Variants in CEACAM18 observed in about 807,000 individuals in gnomAD.
CEACAM18 encodes CEA cell adhesion molecule 18.
CEACAM18 carries 33 observed loss-of-function variants against 34.3 expected under a neutral mutation model. The ratio of observed to expected loss-of-function variants is 0.96; its 90% CI spans 0.73 to 1.29. The LOEUF is 1.29. Ranked by LOEUF, CEACAM18 falls within the 50% of genes most tolerant of loss-of-function variation. The probability of loss-of-function intolerance (pLI) is 0.00; values close to 1 mark genes in which losing one functional copy is unlikely to be tolerated. For synonymous variants in CEACAM18, 169 were observed against 180.9 expected, an observed-to-expected ratio of 0.93 and a Z score of 0.53; for missense variants, 474 against 485.0, an observed-to-expected ratio of 0.98 and a Z score of 0.21.
intron 5 of CEACAM18, among the ~76,000 whole-genome samples, chr19:51,487,203 G>C (rs560102821): frequency 6.6e-6 from 1 of 152,264 alleles, no homozygotes; most frequent in East Asian, 1.9e-4. Flanking sequence ...GGCCAGGCAT[G>C]GTAGCTCATG....
At chr19:51,486,307 G>T (rs888261237) in intron 5 of CEACAM18, among the ~76,000 whole-genome samples, 5 of 152,142 alleles carry the variant, frequency 3.3e-5, no homozygotes, top group Admixed American at 2.6e-4. Context: ...CAAATGCAGT[G>T]CTGATGGTGA....
rs771335205 is a variant in CEACAM18 at position 51,480,540 on chromosome 19, T to C, written c.260T>C (p.Met87Thr). 5.6e-6 allele frequency: 9 copies of C among 1,613,974 alleles called. No individual in the cohort carries two copies. In the East Asian group the frequency reaches 6.7e-5, roughly 12 times the overall value. The change falls in exon 2 of 6, where the codon ATG becomes ACG. Residue 87 changes from methionine to threonine, a missense_variant. Transcript: ENST00000396477. ...CCCAGTGCCCAGCAGCCTGGGCCCATGTACACTGGCAGGGAGAGAGTGAAC... is the reference window on the plus strand; with the variant it reads ...CCCAGTGCCCAGCAGCCTGGGCCCACGTACACTGGCAGGGAGAGAGTGAAC...
At chr19:51,485,146 G>C (rs1568524881) in intron 5 of CEACAM18, 24 bp downstream of exon 5, 2 of 1,478,828 alleles carry the variant, frequency 1.4e-6, no homozygotes, top group Non-Finnish European at 1.8e-6. Flanking sequence ...TCTGGGACAA[G>C]GGTGGGATGT....
At chr19:51,485,189 C>A (rs1004211380) in intron 5 of CEACAM18, 67 bp downstream of exon 5, 1 of 1,420,050 alleles carries the variant, frequency 7.0e-7, no homozygotes, top group Non-Finnish European at 9.3e-7. Flanking sequence ...AGCCAGCCCT[C>A]CCTCCAGAGG....
At chr19:51,480,629 G>A in exon 2 of CEACAM18, 1 of 1,613,970 alleles carries the variant, frequency 6.2e-7, no homozygotes, top group Non-Finnish European at 8.5e-7. Flanking sequence ...CACTGTTCGG[G>A]TGGTTGCAGG....
At chr19:51,483,351 C>T in intron 4 of CEACAM18, 55 bp downstream of exon 4, 1 of 1,605,668 alleles carries the variant, frequency 6.2e-7, no homozygotes, top group Non-Finnish European at 8.5e-7. Context: ...CCTCCATGCC[C>T]TGCTAGGCAG....
chr19:51,481,363 T>G (rs538081844), intron 2 of CEACAM18, 30 bp from the exon 3 acceptor site: 54 of 1,605,426 alleles, frequency 3.4e-5, no homozygotes, highest in Admixed American at 1.0e-4. Context: ...ACCCCACTTG[T>G]AATTTTTTTC....
chr19:51,480,289 C>A, intron 1 of CEACAM18, 44 bp from the exon 2 acceptor site: 1 of 1,449,256 alleles, frequency 6.9e-7, no homozygotes, highest in Non-Finnish European at 9.4e-7. Context: ...CAGTCTGAAT[C>A]TCTTTGTGAA....
At chr19:51,485,740 A>T (rs1221901880) in intron 5 of CEACAM18, among the ~76,000 whole-genome samples, 1 of 152,228 alleles carries the variant, frequency 6.6e-6, no homozygotes, top group African/African-American at 2.4e-5. Context: ...AGAGTTTCTC[A>T]ACCTCAGCAC....
chr19:51,487,541 C>T (rs1310568612), intron 5 of CEACAM18, among the ~76,000 whole-genome samples: 5 of 151,892 alleles, frequency 3.3e-5, no homozygotes, highest in Admixed American at 6.6e-5. Context: ...CCAAGGCGGG[C>T]GGATCATCAG....
exon 4 of CEACAM18, chr19:51,483,233 C>T (rs1213638708): frequency 1.4e-5 from 23 of 1,613,932 alleles, no homozygotes; most frequent in Non-Finnish European, 1.8e-5. Flanking sequence ...TACCGATGCA[C>T]TGTGGAGAAC....
intron 1 of CEACAM18, among the ~76,000 whole-genome samples, chr19:51,479,422 C>T (rs1270445419): frequency 2.0e-5 from 3 of 152,188 alleles, no homozygotes. Context: ...CTCACCCAGA[C>T]AATCATTACT....
intron 3 of CEACAM18, among the ~76,000 whole-genome samples, chr19:51,481,938 T>C (rs572032795): frequency 1.3e-5 from 2 of 152,286 alleles, no homozygotes; most frequent in East Asian, 3.9e-4. Flanking sequence ...TTTGTTGAGG[T>C]CTGCTTTTGT....
In CEACAM18 at chr19:51,485,696, G is replaced by A. The variant is rs1568525115; in HGVS notation, c.1089+574G>A. On this transcript the variant is annotated intron_variant, in intron 5 of 5. Transcript: ENST00000396477. ...ATTAGAGACACGTCTTGGAGGAAAA[G>A]GGGACTTGCAGCATTCTCAGCATAG... is the stretch of plus-strand genomic sequence containing the variant. 5.3e-5 allele frequency among the ~76,000 whole-genome samples: 8 copies of A among 152,208 alleles called. No homozygotes were observed. In the South Asian group the frequency reaches 1.7e-3, roughly 32 times the overall value.
In CEACAM18 at chr19:51,480,280, A is replaced by G. The variant is rs558838986; in HGVS notation, c.53-53A>G. The G allele has an allele frequency of 3.5e-5, 48 of 1,378,572 alleles. No individual in the cohort carries two copies. In the African/African-American group the frequency reaches 5.2e-4, roughly 15 times the overall value. 85.4% of individuals were successfully genotyped at this position (1,378,572 alleles called of 1,614,324 possible). A position where few individuals can be genotyped will look rare whatever the true frequency, so the allele number is the denominator to read the frequency against. The stretch of plus-strand genomic sequence containing the variant: ...GTCTTTTTTCCTTGTCTTCTCAGCC[A>G]GTCTGAATCTCTTTGTGAATTTCTC... On this transcript the variant is annotated intron_variant, in intron 1 of 5. Transcript: ENST00000396477.
chr19:51,485,528 G>A (rs1989984746), intron 5 of CEACAM18, among the ~76,000 whole-genome samples: 1 of 152,162 alleles, frequency 6.6e-6, no homozygotes, highest in Admixed American at 6.5e-5. Flanking sequence ...ATTGGGCAGT[G>A]GGATGGTTAA....
chr19:51,478,545 G>A (rs201244522), upstream of CEACAM18: 168 of 1,113,668 alleles, frequency 1.5e-4, no homozygotes, highest in Non-Finnish European at 1.6e-4. Context: ...AGACGAGACC[G>A]GCAGCCTCTG....
chr19:51,491,040 C>T (rs1013401332), downstream of CEACAM18: 2 of 164,996 alleles, frequency 1.2e-5, no homozygotes, highest in Non-Finnish European at 2.6e-5. Context: ...AGTGGTTGTT[C>T]CACTCAGTGC....
rs534650396 is a variant in CEACAM18, at chr19:51,479,441, CCT to C, written c.52+748_52+749del. ...CCCAGACAATCATTACTGAACTCCCCCTGTGTCCAGCCTGTGCTCAGGGGCGC... is the reference window on the plus strand; with the variant it reads ...CCCAGACAATCATTACTGAACTCCCCGTGTCCAGCCTGTGCTCAGGGGCGC... On this transcript the variant is annotated intron_variant, in intron 1 of 5. Coordinates refer to ENST00000396477, the Ensembl canonical transcript of CEACAM18. Among the ~76,000 whole-genome samples, 12 of 152,346 alleles carry C rather than the reference CCT, an allele frequency of 7.9e-5. No individual in the cohort carries two copies. The South Asian group carries it at 2.5e-3, about 32-fold the overall frequency.
Sources: allele counts gnomAD v4.1 joint callset (sites outside exome capture counted in the v4.1 genomes callset), GRCh38; gene constraint gnomAD v4.1.1; transcripts MANE v1.5; gene names NCBI Gene and HGNC (gene_info 2026-07-23, HGNC 2026-07-21).